FSTL4: variants seen among roughly 807,000 people sequenced by gnomAD.
FSTL4 encodes follistatin like 4.
Under a neutral mutation model 78.2 loss-of-function variants are expected in FSTL4, and 28 were observed. The ratio of observed to expected loss-of-function variants is 0.36; its 90% confidence interval spans 0.27 to 0.49. The LOEUF (loss-of-function observed/expected upper bound fraction) is 0.49, where lower values mean the gene tolerates loss of function less well. Ranked by LOEUF, FSTL4 falls within the 20% of genes least tolerant of loss-of-function variation. FSTL4 has a pLI of 0.98. For missense variants in FSTL4, 922 were observed against 1,084.9 expected, an observed-to-expected ratio of 0.85 and a Z score of 2.11; for synonymous variants, 422 against 440.5, an observed-to-expected ratio of 0.96 and a Z score of 0.53.
chr5:133,707,978 G>A, the FSTL4 span, among the ~76,000 whole-genome samples: 11 of 152,030 alleles, frequency 7.2e-5, no homozygotes, highest in African/African-American at 1.7e-4. Context: ...TTAGAAATTC[G>A]TCTATGGATT....
intron 3 of FSTL4, among the ~76,000 whole-genome samples, chr5:133,467,099 T>C (rs1316508889): frequency 6.6e-6 from 1 of 151,782 alleles, no homozygotes; most frequent in Non-Finnish European, 1.5e-5. Flanking sequence ...TAAGAGTGTG[T>C]GTGTATATAT....
chr5:133,488,918 G>A (rs1758199247), intron 3 of FSTL4, among the ~76,000 whole-genome samples: 1 of 152,154 alleles, frequency 6.6e-6, no homozygotes, highest in Non-Finnish European at 1.5e-5. Flanking sequence ...GATTCACAGA[G>A]CCTGAAAACT....
Position 133,327,737 on chromosome 5 carries a change from C to T in FSTL4, c.410-11085G>A, listed in dbSNP as rs115134634. On this transcript the variant is annotated intron_variant, in intron 4 of 15. Transcript: ENST00000265342. ...TCTGTCTCTTGTTGAGCTGAGCTGA[C>T]AGCCATCACAGGCAGCTGAGTTTGC... 5.3e-3 allele frequency among the ~76,000 whole-genome samples: 812 copies of T among 152,288 alleles called. 4 individuals are homozygous for T. The highest frequency in any genetic ancestry group is 6.6e-3 in the Non-Finnish European group (449 of 68,028).
intron 3 of FSTL4, among the ~76,000 whole-genome samples, chr5:133,412,700 T>G (rs1019398349): frequency 6.6e-6 from 1 of 152,156 alleles, no homozygotes; most frequent in African/African-American, 2.4e-5. Flanking sequence ...ATTCCCTCAT[T>G]GCCACACAGA....
chr5:133,396,433 T>C (rs140290100), intron 4 of FSTL4, among the ~76,000 whole-genome samples: 1 of 152,120 alleles, frequency 6.6e-6, no homozygotes, highest in Admixed American at 6.5e-5. Context: ...CCCTGATGCT[T>C]CCACAGGCCC....
upstream of FSTL4, among the ~76,000 whole-genome samples, chr5:133,615,275 C>T (rs1255016010): frequency 1.3e-5 from 2 of 152,220 alleles, no homozygotes; most frequent in Non-Finnish European, 2.9e-5. Flanking sequence ...AAAGAGTCTT[C>T]CTTGTCTTGC....
intron 3 of FSTL4, among the ~76,000 whole-genome samples, chr5:133,433,540 G>A (rs1756981134): frequency 6.6e-6 from 1 of 152,164 alleles, no homozygotes; most frequent in South Asian, 2.1e-4. Context: ...TGCCTACTAA[G>A]TGCCAGGCAG....
the FSTL4 span, among the ~76,000 whole-genome samples, chr5:133,622,985 T>C: frequency 6.6e-6 from 1 of 152,152 alleles, no homozygotes. Flanking sequence ...CCCAAAGATT[T>C]TCTCCACTTT....
chr5:133,394,312 G>A (rs552883648), intron 4 of FSTL4, among the ~76,000 whole-genome samples: 7 of 152,334 alleles, frequency 4.6e-5, no homozygotes, highest in African/African-American at 1.4e-4. Context: ...TGGGCTGGCC[G>A]AGGCTGGAGC....
At chr5:133,284,361 C>T (rs1434650784) in intron 6 of FSTL4, among the ~76,000 whole-genome samples, 1 of 152,250 alleles carries the variant, frequency 6.6e-6, no homozygotes, top group Non-Finnish European at 1.5e-5. Context: ...TCATTAAAAA[C>T]ACTATCCTTC....
chr5:133,749,007 T>C, the FSTL4 span, among the ~76,000 whole-genome samples: 4 of 152,094 alleles, frequency 2.6e-5, no homozygotes, highest in African/African-American at 7.2e-5. Flanking sequence ...CTCTCAAGGA[T>C]AGGACAATTG....
chr5:133,759,450 G>A, the FSTL4 span, among the ~76,000 whole-genome samples: 2 of 152,132 alleles, frequency 1.3e-5, no homozygotes, highest in South Asian at 2.1e-4. Flanking sequence ...TTCTGGGAAT[G>A]TATACTGACC....
chr5:133,313,995 C>T (rs753805040), intron 5 of FSTL4, among the ~76,000 whole-genome samples: 5 of 152,180 alleles, frequency 3.3e-5, no homozygotes, highest in African/African-American at 4.8e-5. Flanking sequence ...CCAATTACCA[C>T]GCTTGTTAAT....
chr5:133,759,135 AC>A, the FSTL4 span, among the ~76,000 whole-genome samples: 19 of 152,224 alleles, frequency 1.2e-4, no homozygotes, highest in Non-Finnish European at 2.5e-4. Context: ...GTATTTTAAA[AC>A]CATCACATAC....
At chr5:133,520,648 A>G (rs2642702) in intron 3 of FSTL4, among the ~76,000 whole-genome samples, 102,106 of 152,076 alleles carry the variant, frequency 0.67, 34,400 homozygotes, top group African/African-American at 0.72. Context: ...GGGGAGGGTG[A>G]AGAGTGTTCA....
At chr5:133,679,295 G>A in the FSTL4 span, among the ~76,000 whole-genome samples, 3 of 152,096 alleles carry the variant, frequency 2.0e-5, no homozygotes, top group African/African-American at 4.8e-5. Context: ...CCACATTCTC[G>A]GTACAGTTTA....
Position 133,225,866 on chromosome 5 carries a change from G to A in FSTL4, c.1016-47C>T. ...GGTGAGAAAGAGACGGCCCTGACCT[G>A]GACTTGGGCCTGTGGCCCAACCTGA... On this transcript the variant is annotated intron_variant, in intron 8 of 15. Coordinates refer to ENST00000265342, the MANE Select transcript of FSTL4 (RefSeq NM_015082.2). The surrounding 1 kb of genome is among the most constrained non-coding windows in gnomAD (Gnocchi z 4.6). 1.4e-6 allele frequency: 2 copies of A among 1,444,838 alleles called. No homozygotes were observed. The highest frequency in any genetic ancestry group is 1.5e-5 in the South Asian group (1 of 64,734). 89.5% of individuals were successfully genotyped at this position (1,444,838 alleles called of 1,614,324 possible). A position where few individuals can be genotyped will look rare whatever the true frequency, so the allele number is the denominator to read the frequency against.
At chr5:133,373,385 C>T (rs114377404) in intron 4 of FSTL4, among the ~76,000 whole-genome samples, 4 of 152,244 alleles carry the variant, frequency 2.6e-5, no homozygotes, top group African/African-American at 7.2e-5. Flanking sequence ...GAGTTTTTTC[C>T]GAGGGTAACT....
the FSTL4 span, among the ~76,000 whole-genome samples, chr5:133,676,500 TCTC>T: frequency 6.6e-6 from 1 of 152,230 alleles, no homozygotes; most frequent in African/African-American, 2.4e-5. Context: ...ATGTAGCTGT[TCTC>T]CTTGCATTTT....
Sources: gnomAD v4.1 joint callset for allele counts (sites outside exome capture counted in the v4.1 genomes callset) on GRCh38, gnomAD v4.1.1 for gene constraint, Gnocchi (gnomAD v3.1) non-coding constraint, MANE v1.5 for transcripts, NCBI Gene and HGNC (gene_info 2026-07-23, HGNC 2026-07-21) for gene names.